Variants in S100A13 observed in about 807,000 individuals in gnomAD.
S100A13 encodes the protein protein S100-A13.
A neutral mutation model predicts 8.2 loss-of-function variants in S100A13; 6 were observed. That is an observed-to-expected ratio of 0.73 (90% CI 0.40 to 1.44). S100A13 has a LOEUF of 1.44. Ranked by LOEUF, S100A13 falls within the 40% of genes most tolerant of loss-of-function variation. S100A13 has a pLI of 0.02. For synonymous variants in S100A13, 39 were observed against 45.9 expected (o/e 0.85, Z 0.61); for missense variants, 114 against 113.6 (o/e 1.00, Z -0.02).
At chr1:153,628,706 G>A (rs1055731458), upstream of S100A13, 6 of 855,160 alleles carry the variant, frequency 7.0e-6, no homozygotes, top group African/African-American at 8.4e-5. Context: ...GTCGGAGAGA[G>A]AGCTGGCAGC....
At chr1:153,627,951 CCA>C (rs1357569247), upstream of S100A13, 1 of 1,371,562 alleles carries the variant, frequency 7.3e-7, no homozygotes, top group East Asian at 2.5e-5. Flanking sequence ...GGCTGAGGCC[CCA>C]CACACAGAGG....
In S100A13 at chr1:153,619,034, A is replaced by T; in HGVS notation, c.158T>A (p.Val53Glu). Residue 53 changes from valine to glutamate, a missense_variant, in exon 3 of 3, where the codon GTG becomes GAG. Coordinates refer to ENST00000476133, the MANE Select transcript of S100A13 (RefSeq NM_001024211.2). Reference sequence around the variant, plus strand: ...CTTCATCTTCTCATCAAGAGAGCCCACATCCTGAGGAGACACCAAAGGGAA... The same window carrying T: ...CTTCATCTTCTCATCAAGAGAGCCCTCATCCTGAGGAGACACCAAAGGGAA... Reference protein sequence around the residue: ...TQQLPHLLKDVGSLDEKMKSL... With the variant: ...TQQLPHLLKDEGSLDEKMKSL... 4 of 1,613,798 alleles carry T rather than the reference A, an allele frequency of 2.5e-6. No individual in the cohort carries two copies. The highest frequency in any genetic ancestry group is 3.4e-6 in the Non-Finnish European group (4 of 1,179,804).
intron 2 of S100A13, among the ~76,000 whole-genome samples, chr1:153,623,428 C>T (rs1667407135): frequency 6.6e-6 from 1 of 151,854 alleles, no homozygotes; most frequent in African/African-American, 2.4e-5. Context: ...CTCTGTTGCC[C>T]AGGCTGGAGT....
upstream of S100A13, chr1:153,628,496 C>A (rs1407278137): frequency 3.9e-6 from 6 of 1,550,606 alleles, 1 homozygote; most frequent in South Asian, 5.9e-5. Context: ...CCAGGCCAAC[C>A]GTGAGTACCC....
At chr1:153,619,606 T>G (rs1331533700) in intron 2 of S100A13, among the ~76,000 whole-genome samples, 2 of 152,176 alleles carry the variant, frequency 1.3e-5, no homozygotes, top group East Asian at 3.9e-4. Context: ...TAGGGGCCCT[T>G]GACAGGGTAT....
chr1:153,630,461 G>C, upstream of S100A13: 1 of 1,598,336 alleles, frequency 6.3e-7, no homozygotes. Flanking sequence ...TAGACCCCAG[G>C]TACTCCGGGC....
At chr1:153,628,457 T>C (rs1205288045), upstream of S100A13, 1 of 1,550,702 alleles carries the variant, frequency 6.4e-7, no homozygotes, top group South Asian at 1.2e-5. Context: ...ACCTTGGCCA[T>C]CTGTCCAGAA....
chr1:153,620,846 G>A (rs776668497), intron 2 of S100A13, among the ~76,000 whole-genome samples: 3 of 151,972 alleles, frequency 2.0e-5, no homozygotes, highest in Non-Finnish European at 4.4e-5. Context: ...TGAGAGGATC[G>A]CTTGAGCCCA....
At chr1:153,625,618 T>C (rs28754733) in intron 2 of S100A13, among the ~76,000 whole-genome samples, 63,440 of 152,120 alleles carry the variant, frequency 0.42, 14,610 homozygotes, top group East Asian at 0.68. Flanking sequence ...TCAGTTTCCA[T>C]ATATGTGAAG....
At chr1:153,628,254 G>C, upstream of S100A13, 1 of 1,532,212 alleles carries the variant, frequency 6.5e-7, no homozygotes, top group Non-Finnish European at 8.8e-7. Context: ...AGAAAGGAAC[G>C]GGGCAAGCAA....
chr1:153,623,951 C>T (rs1020722789), intron 2 of S100A13, among the ~76,000 whole-genome samples: 4 of 152,024 alleles, frequency 2.6e-5, no homozygotes, highest in African/African-American at 7.2e-5. Flanking sequence ...ACAGAATCAA[C>T]GGGGTTAAGG....
intron 2 of S100A13, among the ~76,000 whole-genome samples, chr1:153,620,532 G>C (rs980910729): frequency 2.0e-5 from 3 of 151,270 alleles, no homozygotes; most frequent in African/African-American, 7.3e-5. Context: ...AGTATCAGTG[G>C]GTTCCACAGC....
upstream of S100A13, among the ~76,000 whole-genome samples, chr1:153,632,464 G>C (rs1051687723): frequency 1.3e-5 from 2 of 151,696 alleles, no homozygotes; most frequent in African/African-American, 4.8e-5. Context: ...GTACAGACGG[G>C]GTTTCACCAT....
chr1:153,621,415 CA>C (rs1489176891), intron 2 of S100A13, among the ~76,000 whole-genome samples: 7 of 151,914 alleles, frequency 4.6e-5, no homozygotes, highest in Non-Finnish European at 1.0e-4. Context: ...CCTCAGCCTC[CA>C]AAAGGTCTGG....
At chr1:153,619,210 T>C (rs1667080671) in intron 2 of S100A13, among the ~76,000 whole-genome samples, 172 bp from the exon 3 acceptor site, 1 of 152,154 alleles carries the variant, frequency 6.6e-6, no homozygotes, top group Admixed American at 6.5e-5. Flanking sequence ...CGCCACGGGG[T>C]GCCTCTCCAA....
upstream of S100A13, chr1:153,627,722 C>T: frequency 4.4e-6 from 1 of 229,820 alleles, no homozygotes; most frequent in South Asian, 7.3e-5. Flanking sequence ...GGACAGATCT[C>T]GTTCGGCAGG....
At chr1:153,628,333 C>T, upstream of S100A13, 2 of 1,525,780 alleles carry the variant, frequency 1.3e-6, no homozygotes, top group East Asian at 2.5e-5. Context: ...CTGCTCCTGG[C>T]CCCTTGCCCC....
At chr1:153,631,258 C>G, upstream of S100A13, 1 of 585,478 alleles carries the variant, frequency 1.7e-6, no homozygotes, top group Non-Finnish European at 3.0e-6. Context: ...AGAAAGTGCA[C>G]CGGTTTTGAG....
intron 2 of S100A13, 146 bp downstream of exon 2, chr1:153,626,174 A>G (rs1305348119): frequency 1.3e-5 from 10 of 760,430 alleles, no homozygotes; most frequent in Non-Finnish European, 2.2e-5. Context: ...TCTCGAAAAA[A>G]CAAAAGAAAA....
Sources: allele counts gnomAD v4.1 joint callset (sites outside exome capture counted in the v4.1 genomes callset), GRCh38; gene constraint gnomAD v4.1.1; transcripts MANE v1.5; gene names NCBI Gene and HGNC (gene_info 2026-07-23, HGNC 2026-07-21).